DCDC1: variants seen among roughly 807,000 people sequenced by gnomAD.
DCDC1 encodes the protein doublecortin domain-containing protein 1.
In DCDC1, 200 loss-of-function variants were observed where a neutral mutation model predicts 178.3. The observed-to-expected ratio is 1.12, with a 90% CI of 1.00 to 1.26. DCDC1 has a LOEUF of 1.26. Ranked by LOEUF, DCDC1 falls within the 50% of genes most tolerant of loss-of-function variation. DCDC1 has a pLI of 0.00. For synonymous variants in DCDC1, 690 were observed against 604.8 expected (o/e 1.14, Z -2.07); for missense variants, 1,983 against 1,749.2 (o/e 1.13, Z -2.38).
At chr11:31,308,719 G>C (rs545209869) in intron 3 of DCDC1, among the ~76,000 whole-genome samples, 2 of 152,256 alleles carry the variant, frequency 1.3e-5, no homozygotes, top group South Asian at 4.2e-4. Flanking sequence ...TAGACACCAA[G>C]TTGGGAAGAT....
chr11:31,327,560 C>T (rs1167660238), intron 3 of DCDC1, among the ~76,000 whole-genome samples: 2 of 152,102 alleles, frequency 1.3e-5, no homozygotes, highest in Non-Finnish European at 2.9e-5. Flanking sequence ...CTGCCATTAT[C>T]GTTATTATCA....
At chr11:31,364,976 T>A (rs1951887802) in intron 1 of DCDC1, among the ~76,000 whole-genome samples, 1 of 152,206 alleles carries the variant, frequency 6.6e-6, no homozygotes, top group South Asian at 2.1e-4. Context: ...TTTTAATCAT[T>A]CAAGTAATCT....
chr11:31,190,592 C>G (rs1174417807), intron 9 of DCDC1, among the ~76,000 whole-genome samples: 1 of 152,076 alleles, frequency 6.6e-6, no homozygotes, highest in East Asian at 1.9e-4. Flanking sequence ...AATCCTCATT[C>G]TGATACACAG....
chr11:30,873,364 T>G (rs1947201), intron 38 of DCDC1, among the ~76,000 whole-genome samples: 115,757 of 136,976 alleles, frequency 0.85, 49,166 homozygotes, highest in Middle Eastern at 0.9. Context: ...TATATATATA[T>G]AGAGAGAGAG....
At chr11:31,356,208 C>T (rs537842890) in intron 1 of DCDC1, among the ~76,000 whole-genome samples, 2 of 152,190 alleles carry the variant, frequency 1.3e-5, no homozygotes, top group South Asian at 4.2e-4. Flanking sequence ...AGCCAAGACT[C>T]TAACAAATAA....
At chr11:31,123,295 C>T (rs887734819) in intron 11 of DCDC1, among the ~76,000 whole-genome samples, 20 of 151,994 alleles carry the variant, frequency 1.3e-4, no homozygotes, top group Non-Finnish European at 2.4e-4. Flanking sequence ...AGTGTTTACA[C>T]TAAACAAACA....
chr11:31,296,294 A>C (rs1947682430), intron 6 of DCDC1, among the ~76,000 whole-genome samples: 1 of 152,116 alleles, frequency 6.6e-6, no homozygotes, highest in African/African-American at 2.4e-5. Context: ...CCTAGTTTGA[A>C]GCACTGTTTT....
chr11:31,097,386 T>A (rs577785823), intron 15 of DCDC1, among the ~76,000 whole-genome samples: 1 of 152,210 alleles, frequency 6.6e-6, no homozygotes, highest in Non-Finnish European at 1.5e-5. Flanking sequence ...GAACAAATTG[T>A]TTATTCTATT....
At chr11:31,289,558 C>T (rs1051865083) in intron 7 of DCDC1, among the ~76,000 whole-genome samples, 3 of 151,952 alleles carry the variant, frequency 2.0e-5, no homozygotes, top group African/African-American at 7.2e-5. Flanking sequence ...AACTATTCAC[C>T]TGTTTCAAGC....
chr11:31,149,780 A>G (rs569292874), intron 9 of DCDC1, among the ~76,000 whole-genome samples: 2 of 152,048 alleles, frequency 1.3e-5, no homozygotes, highest in Non-Finnish European at 2.9e-5. Context: ...AGTCAGCAAG[A>G]CCACGAACCC....
chr11:31,344,440 T>C (rs1950712154), intron 1 of DCDC1, among the ~76,000 whole-genome samples: 1 of 152,238 alleles, frequency 6.6e-6, no homozygotes, highest in South Asian at 2.1e-4. Flanking sequence ...TCCTTAGTGG[T>C]TGAGTCTGGA....
At chr11:31,169,226 C>T (rs1288909101) in intron 9 of DCDC1, among the ~76,000 whole-genome samples, 2 of 151,964 alleles carry the variant, frequency 1.3e-5, no homozygotes, top group African/African-American at 2.4e-5. Context: ...TACACTGGGG[C>T]CTGTTGTGGG....
intron 20 of DCDC1, among the ~76,000 whole-genome samples, chr11:31,061,422 T>C (rs1955911236): frequency 6.6e-6 from 1 of 152,136 alleles, no homozygotes; most frequent in Non-Finnish European, 1.5e-5. Context: ...AGCACACTTC[T>C]ATGCCTACTT....
intron 20 of DCDC1, among the ~76,000 whole-genome samples, chr11:31,038,684 A>G (rs1371846282): frequency 6.6e-6 from 1 of 152,166 alleles, no homozygotes; most frequent in Non-Finnish European, 1.5e-5. Context: ...GCTCTCTACC[A>G]TTTGTGTCAA....
At chr11:31,150,965 T>C (rs1965113508) in intron 9 of DCDC1, among the ~76,000 whole-genome samples, 2 of 152,216 alleles carry the variant, frequency 1.3e-5, no homozygotes, top group South Asian at 4.1e-4. Context: ...TGCATTAAAC[T>C]ATATTTCCTG....
At chr11:30,994,117 T>A (rs1430342389) in intron 20 of DCDC1, among the ~76,000 whole-genome samples, 1 of 152,140 alleles carries the variant, frequency 6.6e-6, no homozygotes, top group Non-Finnish European at 1.5e-5. Flanking sequence ...CCAAGTGAGA[T>A]TCATTATAAC....
chr11:30,887,999 G>A (rs531928703), intron 36 of DCDC1, among the ~76,000 whole-genome samples: 8 of 102,068 alleles, frequency 7.8e-5, no homozygotes, highest in East Asian at 5.9e-4. Flanking sequence ...GCAAAATTCC[G>A]TCAAAAAAAA....
Position 31,084,383 on chromosome 11 carries a change from T to TA in DCDC1, c.2238-6459dup, listed in dbSNP as rs370392105. ...TATTTATAATAAAATATGGTTATCTTAAAAAAAAACAAGTCACACAGTCAT... is the reference window on the plus strand; with the variant it reads ...TATTTATAATAAAATATGGTTATCTTAAAAAAAAAACAAGTCACACAGTCAT... On this transcript the variant is annotated intron_variant, in intron 17 of 38. Coordinates refer to ENST00000684477, the MANE Select transcript of DCDC1 (RefSeq NM_001387274.1). 3.5e-3 allele frequency among the ~76,000 whole-genome samples: 529 copies of TA among 151,048 alleles called. 1 individual carries two copies. Among genetic ancestry groups the TA allele is most frequent in the Non-Finnish European group, 5.8e-3 (393 of 67,636 alleles).
chr11:30,961,572 T>G (rs893768738), intron 20 of DCDC1, among the ~76,000 whole-genome samples: 8 of 152,154 alleles, frequency 5.3e-5, no homozygotes, highest in African/African-American at 7.2e-5. Flanking sequence ...GTTTTTAGGA[T>G]TACCTAAGCA....
Sources: gnomAD v4.1 joint callset for allele counts (sites outside exome capture counted in the v4.1 genomes callset) on GRCh38, gnomAD v4.1.1 for gene constraint, MANE v1.5 for transcripts, NCBI Gene and HGNC (gene_info 2026-07-23, HGNC 2026-07-21) for gene names.